FAM53B: variants seen among roughly 807,000 people sequenced by gnomAD.
The protein encoded by FAM53B is protein FAM53B.
FAM53B carries 12 observed loss-of-function variants against 32.7 expected under a neutral mutation model. That is an observed-to-expected ratio of 0.37 (90% CI 0.24 to 0.59). The LOEUF is 0.59. Ranked by LOEUF, FAM53B falls within the 20% of genes least tolerant of loss-of-function variation. The probability of loss-of-function intolerance (pLI) is 0.72; values close to 1 mark genes in which losing one functional copy is unlikely to be tolerated. For synonymous variants in FAM53B, 234 were observed against 228.7 expected (o/e 1.02, Z -0.21); for missense variants, 477 against 577.7 (o/e 0.83, Z 1.79).
chr10:124,631,994 G>A (rs915445420), intron 4 of FAM53B, among the ~76,000 whole-genome samples: 1 of 152,190 alleles, frequency 6.6e-6, no homozygotes, highest in African/African-American at 2.4e-5. Context: ...GGAAGGAAGG[G>A]CCCACCCGGT....
rs138117128 is a variant in FAM53B, at chr10:124,725,483, G to C, written c.-175+18530C>G. 2.0e-5 allele frequency among the ~76,000 whole-genome samples: 3 copies of C among 152,232 alleles called. No individual in the cohort carries two copies. The East Asian group carries it at 5.8e-4, about 29-fold the overall frequency. On this transcript the variant is annotated intron_variant, in intron 1 of 4. Coordinates refer to ENST00000337318, the MANE Select transcript of FAM53B (RefSeq NM_014661.4). ...AAAGGGCGCCCAGCCTTGGACTGAC[G>C]GCAGTGAGTGGGAAGCTTCATGAAG...
intron 4 of FAM53B, among the ~76,000 whole-genome samples, chr10:124,631,146 C>T (rs1345015246): frequency 6.6e-6 from 1 of 152,204 alleles, no homozygotes; most frequent in Non-Finnish European, 1.5e-5. Flanking sequence ...CCTTGCTGTC[C>T]CCGCTCTGGT....
chr10:124,707,607 C>T (rs567381756), intron 1 of FAM53B, among the ~76,000 whole-genome samples: 13 of 152,096 alleles, frequency 8.5e-5, no homozygotes, highest in Non-Finnish European at 1.8e-4. Flanking sequence ...GGCTTGGTGG[C>T]GTGCACCTAT....
chr10:124,627,890 C>T (rs1318003482), intron 4 of FAM53B, among the ~76,000 whole-genome samples: 1 of 149,428 alleles, frequency 6.7e-6, no homozygotes, highest in Non-Finnish European at 1.5e-5. Context: ...TATTCCCATA[C>T]TTTCTCCTGA....
At chr10:124,680,718 T>C (rs939280474) in intron 4 of FAM53B, among the ~76,000 whole-genome samples, 1 of 152,184 alleles carries the variant, frequency 6.6e-6, no homozygotes, top group Non-Finnish European at 1.5e-5. Context: ...CCAATGTTTA[T>C]ATAAATAAGT....
At chr10:124,735,520 G>A (rs1263499548) in intron 1 of FAM53B, among the ~76,000 whole-genome samples, 4 of 152,234 alleles carry the variant, frequency 2.6e-5, no homozygotes, top group Non-Finnish European at 5.9e-5. Flanking sequence ...GATGCTGGAG[G>A]AGAAAAGGCT....
chr10:124,621,667 G>A lies in FAM53B; in HGVS notation c.*1575C>T, dbSNP rs1023063578. On this transcript the variant is annotated 3_prime_UTR_variant, in exon 5 of 5. Coordinates refer to ENST00000337318, the MANE Select transcript of FAM53B (RefSeq NM_014661.4). ...AGTAAAAAAATAAGATTTAAACAAC[G>A]TTTCCCAAAAAGCATCTTTCTTGAG... is the stretch of plus-strand genomic sequence containing the variant. 2 of 152,192 alleles carry A rather than the reference G, an allele frequency of 1.3e-5. No homozygotes were observed. Among genetic ancestry groups the A allele is most frequent in the African/African-American group, 4.8e-5 (2 of 41,442 alleles). The allele number at this position is 152,192 out of a possible 1,614,324, so 9.4% of individuals were successfully genotyped here.
intron 3 of FAM53B, among the ~76,000 whole-genome samples, chr10:124,689,195 T>C (rs966279931): frequency 2.0e-5 from 3 of 152,098 alleles, no homozygotes; most frequent in Admixed American, 6.6e-5. Context: ...AACCCATCAA[T>C]GGGAAAATCA....
At chr10:124,696,055 T>G (rs1949867390) in intron 3 of FAM53B, 103 bp downstream of exon 3, 1 of 957,612 alleles carries the variant, frequency 1.0e-6, no homozygotes, top group Admixed American at 1.9e-5. Flanking sequence ...CTGCTCTTTT[T>G]GAACTTGTGT....
At chr10:124,626,401 C>A (rs915442676) in intron 4 of FAM53B, among the ~76,000 whole-genome samples, 7 of 142,150 alleles carry the variant, frequency 4.9e-5, no homozygotes, top group African/African-American at 1.6e-4. Flanking sequence ...CCCCCCCCCC[C>A]CACCATTCCT....
At position 124,650,371 on chromosome 10, in the gene FAM53B, C is replaced by T. The variant is rs150011165; in HGVS notation, c.907-26767G>A. Among the ~76,000 whole-genome samples, 142 of 152,324 alleles carry T rather than the reference C, an allele frequency of 9.3e-4. No homozygotes were observed. In the Middle Eastern group the frequency reaches 0.01, roughly 11 times the overall value. ...CTAAGCGTTCCAGTTGGACCCTCCA[C>T]GCTGGATGATGACAATGATGGTGGT... On this transcript the variant is annotated intron_variant, in intron 4 of 4. Transcript: ENST00000337318.
chr10:124,649,278 ATAT>A (rs1276358889), intron 4 of FAM53B, among the ~76,000 whole-genome samples: 1 of 152,228 alleles, frequency 6.6e-6, no homozygotes, highest in Non-Finnish European at 1.5e-5. Flanking sequence ...CCAAGAAAAA[ATAT>A]TGTTGTCTCA....
intron 4 of FAM53B, among the ~76,000 whole-genome samples, chr10:124,680,573 C>T (rs562353243): frequency 7.2e-5 from 11 of 152,196 alleles, no homozygotes; most frequent in Non-Finnish European, 1.3e-4. Flanking sequence ...CCACCTGAAA[C>T]GCAGCGAGCG....
intron 4 of FAM53B, among the ~76,000 whole-genome samples, chr10:124,671,650 G>A (rs1175517558): frequency 6.6e-6 from 1 of 152,220 alleles, no homozygotes; most frequent in Non-Finnish European, 1.5e-5. Context: ...CAGGGAGAGG[G>A]TGGGGTGCCT....
At chr10:124,647,803 C>T (rs918716667) in intron 4 of FAM53B, among the ~76,000 whole-genome samples, 1 of 152,180 alleles carries the variant, frequency 6.6e-6, no homozygotes, top group Non-Finnish European at 1.5e-5. Context: ...AAAATGTCTT[C>T]GGCTTCACCA....
chr10:124,718,386 T>C (rs1038577051), intron 1 of FAM53B, among the ~76,000 whole-genome samples: 2 of 152,184 alleles, frequency 1.3e-5, no homozygotes, highest in African/African-American at 4.8e-5. Flanking sequence ...AATCACATGG[T>C]AAGCCTTCCG....
chr10:124,669,101 G>T (rs1255329848), intron 4 of FAM53B, among the ~76,000 whole-genome samples: 1 of 152,232 alleles, frequency 6.6e-6, no homozygotes, highest in Non-Finnish European at 1.5e-5. Context: ...GGGTGTAGGG[G>T]GTAGAAGGCA....
chr10:124,675,945 C>A (rs1949734024), intron 4 of FAM53B, among the ~76,000 whole-genome samples: 1 of 152,228 alleles, frequency 6.6e-6, no homozygotes, highest in African/African-American at 2.4e-5. Context: ...GCTGCCAAGA[C>A]TGCCAAGAGG....
chr10:124,744,341 A>AGGCGGCGTGCGGCGGCGGCGTGCGGCGGC lies in FAM53B; in HGVS notation c.-504_-503insGCCGCCGCACGCCGCCGCCGCACGCCGCC, dbSNP rs763413834. On this transcript the variant is annotated 5_prime_UTR_variant, in exon 1 of 5. Coordinates refer to ENST00000337318, the MANE Select transcript of FAM53B (RefSeq NM_014661.4). ...GGCGCGGCGGCGGCGTGCAGGAGGC[A>AGGCGGCGTGCGGCGGCGGCGTGCGGCGGC]GGCGGCGTGCGGCGGCGGCGGCAGG... The AGGCGGCGTGCGGCGGCGGCGTGCGGCGGC allele has an allele frequency of 2.0e-5, 3 of 147,036 alleles. No individual in the cohort carries two copies. The highest frequency in any genetic ancestry group is 3.7e-4 in the South Asian group (2 of 5,440). 9.1% of individuals were successfully genotyped at this position (147,036 alleles called of 1,614,324 possible).
Sources: gnomAD v4.1 joint callset for allele counts (sites outside exome capture counted in the v4.1 genomes callset) on GRCh38, gnomAD v4.1.1 for gene constraint, MANE v1.5 for transcripts, NCBI Gene and HGNC (gene_info 2026-07-23, HGNC 2026-07-21) for gene names.